Variants in COP1 observed in about 807,000 individuals in gnomAD.
COP1 encodes COP1 E3 ubiquitin ligase, also known as E3 ubiquitin-protein ligase COP1.
In COP1, 24 loss-of-function variants were observed where a neutral mutation model predicts 101.3. That is an observed-to-expected ratio of 0.24 (90% CI 0.17 to 0.33). The LOEUF (loss-of-function observed/expected upper bound fraction) is 0.33, where lower values mean the gene tolerates loss of function less well. Ranked by LOEUF, COP1 falls within the 10% of genes least tolerant of loss-of-function variation. The pLI, the probability that COP1 is intolerant of heterozygous loss-of-function variation, is 1.00. For synonymous variants in COP1, 347 were observed against 341.9 expected, an observed-to-expected ratio of 1.01 and a Z score of -0.17; for missense variants, 663 against 906.2, an observed-to-expected ratio of 0.73 and a Z score of 3.45.
chr1:176,078,447 CAGA>C (rs1346350285), intron 11 of COP1, among the ~76,000 whole-genome samples: 3 of 152,056 alleles, frequency 2.0e-5, no homozygotes, highest in Non-Finnish European at 2.9e-5. Context: ...TAGCCATGTG[CAGA>C]AGAATAAAAC....
chr1:176,029,738 G>A (rs532602524), intron 14 of COP1, among the ~76,000 whole-genome samples: 43 of 152,262 alleles, frequency 2.8e-4, no homozygotes, highest in African/African-American at 1.0e-3. Context: ...TACTGATACA[G>A]TAACCTGTAG....
chr1:176,069,654 C>T (rs1162120224), intron 11 of COP1, among the ~76,000 whole-genome samples: 4 of 152,214 alleles, frequency 2.6e-5, no homozygotes, highest in Non-Finnish European at 4.4e-5. Flanking sequence ...CACTTACTTA[C>T]TGCATAAGCT....
chr1:176,095,107 C>G (rs1292357226), intron 9 of COP1, among the ~76,000 whole-genome samples: 1 of 152,144 alleles, frequency 6.6e-6, no homozygotes, highest in Non-Finnish European at 1.5e-5. Context: ...AAACTAATTT[C>G]ATAAATTAAC....
intron 11 of COP1, among the ~76,000 whole-genome samples, chr1:176,062,040 C>T (rs1344131204): frequency 6.6e-6 from 1 of 152,162 alleles, no homozygotes; most frequent in African/African-American, 2.4e-5. Context: ...CACTCTATCG[C>T]CCAGGCTGGA....
chr1:176,100,266 G>A, intron 9 of COP1: 1 of 237,792 alleles, frequency 4.2e-6, no homozygotes. Flanking sequence ...GCAGGCGCCG[G>A]TAATCCCAGC....
intron 12 of COP1, 79 bp downstream of exon 12, chr1:176,046,102 G>A: frequency 1.7e-6 from 2 of 1,162,378 alleles, no homozygotes; most frequent in Non-Finnish European, 2.5e-6. Flanking sequence ...GTCATGCAAA[G>A]GTAAAATAAT....
intron 10 of COP1, among the ~76,000 whole-genome samples, chr1:176,084,990 T>A (rs985944993): frequency 6.6e-6 from 1 of 152,160 alleles, no homozygotes; most frequent in Non-Finnish European, 1.5e-5. Context: ...TTAGGGTTAA[T>A]GTCTCTACTT....
chr1:176,174,382 G>A (rs1696611086), intron 3 of COP1, among the ~76,000 whole-genome samples: 1 of 152,146 alleles, frequency 6.6e-6, no homozygotes. Context: ...AGGCCATCAA[G>A]TATCATCCTG....
At chr1:176,136,995 G>T (rs965811195) in intron 6 of COP1, among the ~76,000 whole-genome samples, 2 of 151,592 alleles carry the variant, frequency 1.3e-5, no homozygotes, top group African/African-American at 4.9e-5. Context: ...CAATCTGCCC[G>T]CCTCAGCCTC....
intron 6 of COP1, among the ~76,000 whole-genome samples, chr1:176,139,468 T>A (rs1164971138): frequency 1.3e-5 from 2 of 152,078 alleles, no homozygotes; most frequent in Non-Finnish European, 2.9e-5. Context: ...ATTGAGTATA[T>A]ATCCAAAAGA....
At chr1:176,170,989 G>T (rs535615708) in intron 3 of COP1, among the ~76,000 whole-genome samples, 7 of 151,976 alleles carry the variant, frequency 4.6e-5, no homozygotes, top group Non-Finnish European at 8.8e-5. Context: ...GCCGGGCTTG[G>T]TGGTGGGCGC....
At chr1:176,112,239 T>C (rs77354477) in intron 9 of COP1, among the ~76,000 whole-genome samples, 1 of 151,650 alleles carries the variant, frequency 6.6e-6, no homozygotes, top group East Asian at 1.9e-4. Flanking sequence ...AAAAAAAAAT[T>C]CTGATTGTTT....
intron 15 of COP1, among the ~76,000 whole-genome samples, chr1:176,015,277 G>A (rs1665426668): frequency 6.6e-6 from 1 of 152,160 alleles, no homozygotes; most frequent in South Asian, 2.1e-4. Flanking sequence ...CAAACTGAAG[G>A]GAAACAAGTA....
intron 18 of COP1, among the ~76,000 whole-genome samples, chr1:175,979,402 T>C (rs914360801): frequency 1.3e-5 from 2 of 152,018 alleles, no homozygotes; most frequent in African/African-American, 4.8e-5. Context: ...TCTAGTTTAC[T>C]GAAATCTGAT....
In COP1 at chr1:176,005,197, T is replaced by C. The variant is rs557069883; in HGVS notation, c.1730-15718A>G. ...TGTATTTCTGTGGGATCGGTGGTGA[T>C]ATCCCGTTTATCATTTTTTATTGCA... is the stretch of plus-strand genomic sequence containing the variant. On this transcript the variant is annotated intron_variant, in intron 15 of 19. Coordinates refer to ENST00000367669, the MANE Select transcript of COP1 (RefSeq NM_022457.7). Among the ~76,000 whole-genome samples the C allele has an allele frequency of 7.0e-3, 1,064 of 152,282 alleles. 13 individuals carry two copies. The highest frequency in any genetic ancestry group is 0.024 in the African/African-American group (1,004 of 41,534).
intron 9 of COP1, among the ~76,000 whole-genome samples, chr1:176,101,971 G>A (rs1683487114): frequency 6.6e-6 from 1 of 152,124 alleles, no homozygotes; most frequent in African/African-American, 2.4e-5. Flanking sequence ...GAGACAGGAG[G>A]AAGCCAAGTG....
chr1:176,043,158 G>GGT, intron 14 of COP1, 28 bp downstream of exon 14: 2 of 1,377,560 alleles, frequency 1.5e-6, no homozygotes, highest in Non-Finnish European at 2.1e-6. Flanking sequence ...GGGAGAAGGA[G>GGT]GTGCTGAGAA....
chr1:176,003,831 T>C (rs1346065118), intron 15 of COP1, among the ~76,000 whole-genome samples: 155 of 152,070 alleles, frequency 1.0e-3, no homozygotes, highest in African/African-American at 1.1e-3. Context: ...CTTGGCGATG[T>C]GGGCTCTTTT....
intron 14 of COP1, among the ~76,000 whole-genome samples, chr1:176,037,738 C>A (rs926529072): frequency 6.6e-6 from 1 of 152,052 alleles, no homozygotes; most frequent in Non-Finnish European, 1.5e-5. Flanking sequence ...AATTCAATAT[C>A]CATCATGATA....
Sources: gnomAD v4.1 joint callset for allele counts (sites outside exome capture counted in the v4.1 genomes callset) on GRCh38, gnomAD v4.1.1 for gene constraint, MANE v1.5 for transcripts, NCBI Gene and HGNC (gene_info 2026-07-23, HGNC 2026-07-21) for gene names.